ADGRD1: variants seen among roughly 807,000 people sequenced by gnomAD.
The protein encoded by ADGRD1 is adhesion G protein-coupled receptor D1.
ADGRD1 carries 77 observed loss-of-function variants against 113.4 expected under a neutral mutation model. The ratio of observed to expected loss-of-function variants is 0.68; its 90% confidence interval spans 0.57 to 0.82. The LOEUF (loss-of-function observed/expected upper bound fraction) is 0.82. Ranked by LOEUF, ADGRD1 falls within the 40% of genes least tolerant of loss-of-function variation. ADGRD1 has a pLI of 0.00. For synonymous variants in ADGRD1, 474 were observed against 475.0 expected (o/e 1.00, Z 0.03); for missense variants, 1,036 against 1,139.1 (o/e 0.91, Z 1.30).
chr12:130,982,210 T>TGGGGAGGTGCATGGGGAGAGGC (rs1873093098), intron 5 of ADGRD1, 147 bp downstream of exon 5: 1 of 717,448 alleles, frequency 1.4e-6, no homozygotes, highest in African/African-American at 1.8e-5. Flanking sequence ...TAAGGGTTGT[T>TGGGGAGGTGCATGGGGAGAGGC]GGGGAGGTGC....
intron 4 of ADGRD1, among the ~76,000 whole-genome samples, chr12:130,974,108 G>T (rs1872027485): frequency 6.6e-6 from 1 of 152,166 alleles, no homozygotes; most frequent in Non-Finnish European, 1.5e-5. Context: ...CTGTGCGAGG[G>T]CCATGGCATG....
chr12:131,085,889 G>T (rs527787608), intron 15 of ADGRD1, among the ~76,000 whole-genome samples: 3 of 152,180 alleles, frequency 2.0e-5, no homozygotes, highest in Admixed American at 2.0e-4. Context: ...TCTTCCGTGC[G>T]GAGCCCTGGT....
intron 13 of ADGRD1, among the ~76,000 whole-genome samples, chr12:131,048,410 C>T (rs1883055583): frequency 6.6e-6 from 1 of 152,208 alleles, no homozygotes; most frequent in Admixed American, 6.5e-5. Flanking sequence ...CGGGTGTCTT[C>T]CTGCACCCCC....
chr12:130,957,336 T>A (rs1869757629), intron 2 of ADGRD1: 1 of 152,288 alleles, frequency 6.6e-6, no homozygotes, highest in Non-Finnish European at 1.5e-5. Flanking sequence ...TCCACGTGTC[T>A]ACACACATCT....
chr12:131,058,742 C>A (rs953303151), intron 13 of ADGRD1, among the ~76,000 whole-genome samples: 1 of 152,318 alleles, frequency 6.6e-6, no homozygotes, highest in South Asian at 2.1e-4. Flanking sequence ...TTCTAATTGT[C>A]TGGCCTTGTA....
chr12:131,112,388 C>T (rs552753336), intron 18 of ADGRD1, among the ~76,000 whole-genome samples: 73 of 152,314 alleles, frequency 4.8e-4, no homozygotes, highest in African/African-American at 1.6e-3. Flanking sequence ...ACAGCTTGAT[C>T]TGATTAAATC....
chr12:131,053,715 A>G (rs933927431), intron 13 of ADGRD1, among the ~76,000 whole-genome samples: 1 of 152,204 alleles, frequency 6.6e-6, no homozygotes, highest in African/African-American at 2.4e-5. Context: ...CAACCCCACC[A>G]CTGACTCAGC....
At position 131,104,837 on chromosome 12, in the gene ADGRD1, C is replaced by T. The variant is rs371989819; in HGVS notation, c.1678C>T (p.Arg560Cys). 4 of 1,547,132 alleles carry T rather than the reference C, an allele frequency of 2.6e-6. No homozygotes were observed. The highest frequency in any genetic ancestry group is 4.9e-5 in the East Asian group (2 of 40,908). ...TCTGCTCTGCTCCCCGCAGCTTGCA[C>T]GCGGACACCAGGTGGCGCTGTCGTC... ...LMQVVPLELA[R>C]GHQVALSSIS... The change falls in exon 16 of 25, where the codon CGC (arginine) becomes TGC (cysteine). Residue 560 changes from arginine to cysteine, a missense_variant. Arg to Cys is a radical substitution (Grantham distance 180). Coordinates refer to ENST00000261654, the MANE Select transcript of ADGRD1 (RefSeq NM_198827.5).
In ADGRD1 at chr12:131,045,331, C is replaced by T. The variant is rs1041091985; in HGVS notation, c.1473+30991C>T. ...GACAGTGTTCGGGAGGCAGGGATCT[C>T]GTCTTCTCCCGAAACCTGGTGCCAT... On this transcript the variant is annotated intron_variant, in intron 13 of 24. Coordinates refer to ENST00000261654, the MANE Select transcript of ADGRD1 (RefSeq NM_198827.5). 3.3e-5 allele frequency among the ~76,000 whole-genome samples: 5 copies of T among 152,228 alleles called. No homozygotes were observed. In the East Asian group the frequency reaches 9.6e-4, roughly 29 times the overall value.
At chr12:131,079,155 G>A (rs569848534) in intron 14 of ADGRD1, among the ~76,000 whole-genome samples, 32 of 152,284 alleles carry the variant, frequency 2.1e-4, no homozygotes, top group African/African-American at 4.3e-4. Context: ...TGTGTTGAGC[G>A]TCACCACACA....
chr12:131,053,094 C>T (rs1312703731), intron 13 of ADGRD1, among the ~76,000 whole-genome samples: 1 of 152,244 alleles, frequency 6.6e-6, no homozygotes, highest in African/African-American at 2.4e-5. Flanking sequence ...GGGCCTTTCT[C>T]GGTCAGATCG....
At chr12:131,034,119 C>T (rs1485386364) in intron 13 of ADGRD1, among the ~76,000 whole-genome samples, 1 of 152,208 alleles carries the variant, frequency 6.6e-6, no homozygotes, top group African/African-American at 2.4e-5. Flanking sequence ...GGTGGTGTCA[C>T]CCTGTGCTCG....
chr12:131,028,999 C>T (rs1880305508), intron 13 of ADGRD1, among the ~76,000 whole-genome samples: 1 of 152,216 alleles, frequency 6.6e-6, no homozygotes, highest in Non-Finnish European at 1.5e-5. Flanking sequence ...CTCTCCCACG[C>T]CATTGCAGAC....
At chr12:131,009,911 T>C (rs1316404105) in intron 12 of ADGRD1, among the ~76,000 whole-genome samples, 1 of 152,242 alleles carries the variant, frequency 6.6e-6, no homozygotes, top group East Asian at 1.9e-4. Context: ...CTATGCGTTG[T>C]ACTGTTTTCT....
rs1282483109 is a variant in ADGRD1, at chr12:130,954,774, C to A, written c.103+114C>A. 1.7e-5 allele frequency: 17 copies of A among 995,184 alleles called. No homozygotes were observed. The highest frequency in any genetic ancestry group is 3.8e-5 in the Admixed American group (2 of 53,268). The allele number at this position is 995,184 out of a possible 1,614,324, so 61.6% of individuals were successfully genotyped here. ...GCATCAGCGAATGGCCCTTGTTGGG[C>A]TCCTGGTCCCCGACCTCACTGCCTC... On this transcript the variant is annotated intron_variant, in intron 2 of 24. Transcript: ENST00000261654. This position sits in a 1 kb window ranked among gnomAD's most constrained non-coding sequence, Gnocchi z 4.7.
rs1873796161 is a variant in ADGRD1 at position 130,987,162 on chromosome 12, G to A, written c.558G>A (p.Gly186=). The change falls in exon 6 of 25, where the codon GGG becomes GGA. Residue 186 remains glycine (G), a synonymous_variant. Coordinates refer to ENST00000261654, the MANE Select transcript of ADGRD1 (RefSeq NM_198827.5). ...SKEGLKVYVN[G]TLSTSDPSGK... ...AGGGCCTGAAAGTCTACGTCAACGG[G>A]ACCCTGAGCACCTCTGATCCGAGTG... 2.5e-6 allele frequency: 4 copies of A among 1,614,006 alleles called. No homozygotes were observed. The highest frequency in any genetic ancestry group is 1.3e-5 in the African/African-American group (1 of 74,936).
chr12:131,073,354 C>T (rs538990824), intron 13 of ADGRD1, among the ~76,000 whole-genome samples: 1 of 152,222 alleles, frequency 6.6e-6, no homozygotes, highest in Non-Finnish European at 1.5e-5. Flanking sequence ...TTCAAGCATT[C>T]AAAGCCCTGA....
At chr12:131,118,657 G>T (rs548231939) in intron 19 of ADGRD1, among the ~76,000 whole-genome samples, 15 of 152,330 alleles carry the variant, frequency 9.8e-5, no homozygotes, top group African/African-American at 3.4e-4. Flanking sequence ...TGGGGCCTCG[G>T]AACTAGCAAC....
chr12:131,137,810 G>GACCCC, intron 23 of ADGRD1: 5 of 158,826 alleles, frequency 3.1e-5, no homozygotes, highest in Admixed American at 1.3e-4. Flanking sequence ...AGCCATGGAA[G>GACCCC]CCCGCCCGCC....
Sources: gnomAD v4.1 joint callset for allele counts (sites outside exome capture counted in the v4.1 genomes callset) on GRCh38, gnomAD v4.1.1 for gene constraint, Gnocchi (gnomAD v3.1) non-coding constraint, MANE v1.5 for transcripts, NCBI Gene and HGNC (gene_info 2026-07-23, HGNC 2026-07-21) for gene names.